RBFOX2: variants seen among roughly 807,000 people sequenced by gnomAD.
RBFOX2 encodes the protein RNA binding protein fox-1 homolog 2.
In RBFOX2, 10 loss-of-function variants were observed where a neutral mutation model predicts 49.1. The observed-to-expected ratio is 0.20, with a 90% CI of 0.13 to 0.35. RBFOX2 has a LOEUF of 0.35. Ranked by LOEUF, RBFOX2 falls within the 10% of genes least tolerant of loss-of-function variation. RBFOX2 has a pLI of 1.00. For missense variants in RBFOX2, 323 were observed against 486.9 expected (o/e 0.66, Z 3.17); for synonymous variants, 183 against 187.4 (o/e 0.98, Z 0.19).
At chr22:35,947,013 G>A (rs1042732607) in intron 1 of RBFOX2, among the ~76,000 whole-genome samples, 1 of 152,120 alleles carries the variant, frequency 6.6e-6, no homozygotes, top group South Asian at 2.1e-4. Flanking sequence ...CCAACATGGC[G>A]AAACCCCATC....
chr22:35,768,317 A>G (rs761994554), exon 5 of RBFOX2: 1 of 1,614,164 alleles, frequency 6.2e-7, no homozygotes, highest in Non-Finnish European at 8.5e-7. Context: ...TGTCTGCATC[A>G]GCACTATTCT....
At chr22:35,855,627 T>G (rs751573206) in intron 1 of RBFOX2, among the ~76,000 whole-genome samples, 8 of 148,822 alleles carry the variant, frequency 5.4e-5, no homozygotes, top group Non-Finnish European at 1.0e-4. Context: ...CAGGCTGGTC[T>G]TCAACTCCTG....
At chr22:36,001,947 C>T (rs1239104435) in intron 1 of RBFOX2, among the ~76,000 whole-genome samples, 1 of 152,040 alleles carries the variant, frequency 6.6e-6, no homozygotes, top group Non-Finnish European at 1.5e-5. Flanking sequence ...GCCTATAATC[C>T]CAGCTACTTG....
At chr22:35,779,358 T>TG (rs1450296895) in intron 3 of RBFOX2, among the ~76,000 whole-genome samples, 1 of 152,214 alleles carries the variant, frequency 6.6e-6, no homozygotes, top group Non-Finnish European at 1.5e-5. Flanking sequence ...TTGGGAAATG[T>TG]GAAAAAAAAC....
chr22:36,015,398 TC>T (rs2058995278), intron 1 of RBFOX2, among the ~76,000 whole-genome samples: 1 of 152,180 alleles, frequency 6.6e-6, no homozygotes, highest in African/African-American at 2.4e-5. Context: ...TACTACCAAC[TC>T]CCTGTAAGCT....
intron 4 of RBFOX2, among the ~76,000 whole-genome samples, chr22:35,777,398 T>TA (rs748432233): frequency 1.3e-4 from 20 of 152,196 alleles, no homozygotes; most frequent in Non-Finnish European, 2.8e-4. Context: ...AGTACACACT[T>TA]ACTACTTTCA....
chr22:35,851,427 T>C (rs999981334), intron 1 of RBFOX2, among the ~76,000 whole-genome samples: 2 of 152,178 alleles, frequency 1.3e-5, no homozygotes, highest in African/African-American at 4.8e-5. Context: ...TCACAGTTTA[T>C]GGGAGAAATA....
chr22:35,761,504 C>G, intron 6 of RBFOX2, 36 bp from the exon 8 acceptor site: 1 of 1,608,764 alleles, frequency 6.2e-7, no homozygotes, highest in Non-Finnish European at 8.5e-7. Context: ...GCATTTAAGA[C>G]TGTTTGAGGA....
chr22:35,914,419 G>C (rs1315832330), intron 1 of RBFOX2, among the ~76,000 whole-genome samples: 1 of 152,128 alleles, frequency 6.6e-6, no homozygotes, highest in African/African-American at 2.4e-5. Context: ...CTCTCATTGT[G>C]CATAAAGAGA....
At chr22:35,950,588 G>A (rs1416538649) in intron 1 of RBFOX2, among the ~76,000 whole-genome samples, 8 of 152,070 alleles carry the variant, frequency 5.3e-5, no homozygotes, top group Admixed American at 5.2e-4. Flanking sequence ...TATCCTAGAG[G>A]GTAGTTTTTG....
chr22:35,822,259 A>G (rs1347356405), intron 1 of RBFOX2, among the ~76,000 whole-genome samples: 1 of 152,168 alleles, frequency 6.6e-6, no homozygotes, highest in Non-Finnish European at 1.5e-5. Flanking sequence ...CTATCCTTCT[A>G]CTGTGTGCTT....
At chr22:35,894,835 C>G (rs534230582) in intron 1 of RBFOX2, among the ~76,000 whole-genome samples, 1 of 152,120 alleles carries the variant, frequency 6.6e-6, no homozygotes, top group South Asian at 2.1e-4. Flanking sequence ...CATGTCAGAT[C>G]GGGCTGCTCA....
chr22:35,864,181 A>G (rs892192188), intron 1 of RBFOX2, among the ~76,000 whole-genome samples: 4 of 152,220 alleles, frequency 2.6e-5, no homozygotes, highest in African/African-American at 9.6e-5. Context: ...ACAGCTGAAC[A>G]TAAAATATCA....
intron 1 of RBFOX2, among the ~76,000 whole-genome samples, chr22:35,977,550 G>A (rs985497245): frequency 6.6e-6 from 1 of 151,772 alleles, no homozygotes; most frequent in Non-Finnish European, 1.5e-5. Context: ...GGCTGCGGAT[G>A]CGAAGAGAGA....
At chr22:35,910,718 A>C (rs1027813923) in intron 1 of RBFOX2, among the ~76,000 whole-genome samples, 1 of 152,182 alleles carries the variant, frequency 6.6e-6, no homozygotes, top group African/African-American at 2.4e-5. Context: ...AATGCATGCA[A>C]AGGAGGTTGA....
At chr22:35,745,692 T>C (rs1289687792) in intron 11 of RBFOX2, among the ~76,000 whole-genome samples, 1 of 152,196 alleles carries the variant, frequency 6.6e-6, no homozygotes, top group Non-Finnish European at 1.5e-5. Flanking sequence ...ACTCGGGGCA[T>C]ATTATCAATG....
chr22:35,922,373 G>C (rs1017311593), intron 1 of RBFOX2, among the ~76,000 whole-genome samples: 3 of 151,702 alleles, frequency 2.0e-5, no homozygotes, highest in Admixed American at 1.3e-4. Flanking sequence ...GAGGTCAGGA[G>C]TTCGAGGCCA....
Position 36,028,402 on chromosome 22 carries a change from A to C in RBFOX2, c.24T>G (p.His8Gln), listed in dbSNP as rs9607299. The C allele has an allele frequency of 1, 1,246,868 of 1,246,886 alleles. 623,425 individuals are homozygous for C. Among genetic ancestry groups the C allele is most frequent in the Middle Eastern group, 1 (3,202 of 3,202 alleles). 77.2% of individuals were successfully genotyped at this position (1,246,886 alleles called of 1,614,324 possible). A position where few individuals can be genotyped will look rare whatever the true frequency, so the allele number is the denominator to read the frequency against. Residue 8 changes from histidine (H) to glutamine (Q), a missense_variant, in exon 1 of 14, where the codon CAT (histidine) becomes CAG (glutamine). Coordinates refer to the RBFOX2 transcript ENST00000438146. ...CGCCGGGCCCGAGCTGAGGCGGCTG[A>C]TGCGGCTGGGCGCCCTCCGCCATCC...
At chr22:36,025,922 AATG>A (rs745574297) in intron 1 of RBFOX2, among the ~76,000 whole-genome samples, 3 of 152,054 alleles carry the variant, frequency 2.0e-5, no homozygotes, top group Non-Finnish European at 4.4e-5. Context: ...GGCCTAAATC[AATG>A]ATTTGAATAC....
Sources: gnomAD v4.1 joint callset for allele counts (sites outside exome capture counted in the v4.1 genomes callset) on GRCh38, gnomAD v4.1.1 for gene constraint, MANE v1.5 for transcripts, NCBI Gene and HGNC (gene_info 2026-07-23, HGNC 2026-07-21) for gene names.